TIAM2: variants seen among roughly 807,000 people sequenced by gnomAD.
TIAM2 encodes the protein TIAM Rac1 associated GEF 2, also known as rho guanine nucleotide exchange factor TIAM2.
In TIAM2, 80 loss-of-function variants were observed where a neutral mutation model predicts 152.9. That is an observed-to-expected ratio of 0.52 (90% CI 0.44 to 0.63). TIAM2 has a LOEUF of 0.63. TIAM2 is among the 30% of genes least tolerant of loss of function. The pLI is 0.00. For synonymous variants in TIAM2, 804 were observed against 838.0 expected (o/e 0.96, Z 0.70); for missense variants, 1,965 against 2,120.1 (o/e 0.93, Z 1.44).
At position 155,148,201 on chromosome 6, in the gene TIAM2, C is replaced by A. The variant is rs200977411; in HGVS notation, c.1895C>A (p.Thr632Lys). 1 of 1,613,362 alleles carries A rather than the reference C, an allele frequency of 6.2e-7. No individual in the cohort carries two copies. Among genetic ancestry groups the A allele is most frequent in the East Asian group, 2.2e-5 (1 of 44,876 alleles). The change falls in exon 7 of 27, where the codon ACG becomes AAG. Residue 632 changes from threonine (T) to lysine (K), a missense_variant. Thr to Lys is a moderately conservative substitution (Grantham distance 78). Around this residue, in one of 3 missense-constraint regions of TIAM2, gnomAD observed 1,025 missense variants for 1,119.4 expected, o/e 0.92. Transcript: ENST00000682666. ...LFAKKHGKED[T>K]LRLLKNQTKN... is the part of the protein sequence containing the mutation. ...GCAAAGAAGCATGGGAAAGAGGACA[C>A]GCTGCGGCTGCTGAAGAACCAGACC...
At chr6:155,112,705 A>G (rs75353940) in intron 2 of TIAM2, among the ~76,000 whole-genome samples, 3 of 151,996 alleles carry the variant, frequency 2.0e-5, no homozygotes, top group African/African-American at 7.3e-5. Context: ...TGAACTCCTC[A>G]TCTTGCCCGC....
At chr6:155,198,717 T>G (rs1462028365) in intron 14 of TIAM2, among the ~76,000 whole-genome samples, 1 of 148,226 alleles carries the variant, frequency 6.7e-6, no homozygotes, top group African/African-American at 2.5e-5. Context: ...AAGGCAACGT[T>G]CTTAAGAATG....
chr6:155,094,951 CCT>C (rs1778389484), intron 2 of TIAM2, among the ~76,000 whole-genome samples: 2 of 151,966 alleles, frequency 1.3e-5, no homozygotes, highest in African/African-American at 4.8e-5. Context: ...TTAAATTTTC[CCT>C]CTGTCTTCAG....
intron 1 of TIAM2, among the ~76,000 whole-genome samples, chr6:155,002,578 C>G (rs1778330731): frequency 6.6e-6 from 1 of 152,104 alleles, no homozygotes; most frequent in Non-Finnish European, 1.5e-5. Context: ...ATCTGAGTTG[C>G]TTCTTAGGTA....
chr6:155,088,708 AC>A (rs1235295170), intron 1 of TIAM2, among the ~76,000 whole-genome samples: 2 of 152,180 alleles, frequency 1.3e-5, no homozygotes, highest in African/African-American at 4.8e-5. Flanking sequence ...AGCTTGTCCA[AC>A]CCATGGCCTG....
intron 21 of TIAM2, chr6:155,250,606 G>A: frequency 6.5e-7 from 1 of 1,536,058 alleles, no homozygotes; most frequent in East Asian, 2.4e-5. Flanking sequence ...AAGGCACTCT[G>A]GAAGAACCAC....
intron 19 of TIAM2, 79 bp downstream of exon 19, chr6:155,245,810 C>T: frequency 1.1e-6 from 1 of 948,512 alleles, no homozygotes; most frequent in East Asian, 2.5e-5. Context: ...CTGTATTTAA[C>T]AAGTAGAGAG....
chr6:155,048,430 C>T (rs1199964436), intron 1 of TIAM2, among the ~76,000 whole-genome samples: 1 of 152,152 alleles, frequency 6.6e-6, no homozygotes, highest in African/African-American at 2.4e-5. Context: ...TGTTTTGCCA[C>T]TGTCCTTTGT....
intron 14 of TIAM2, among the ~76,000 whole-genome samples, chr6:155,190,821 C>G (rs1029853851): frequency 6.6e-5 from 10 of 150,720 alleles, no homozygotes; most frequent in Non-Finnish European, 1.2e-4. Context: ...AACTTTACAG[C>G]CTGTTACATA....
intron 14 of TIAM2, among the ~76,000 whole-genome samples, chr6:155,206,163 T>G (rs949888881): frequency 4.6e-5 from 7 of 152,198 alleles, no homozygotes; most frequent in African/African-American, 1.4e-4. Flanking sequence ...CAGTTGTCTG[T>G]AAGGAGCTAT....
chr6:155,153,775 C>A (rs1249344659), intron 7 of TIAM2, among the ~76,000 whole-genome samples: 1 of 152,076 alleles, frequency 6.6e-6, no homozygotes, highest in Admixed American at 6.5e-5. Context: ...GCACCCACCA[C>A]TACGCCCAGC....
chr6:155,143,161 G>A (rs1428950239), intron 5 of TIAM2, among the ~76,000 whole-genome samples: 1 of 152,152 alleles, frequency 6.6e-6, no homozygotes, highest in Non-Finnish European at 1.5e-5. Context: ...GTATGCTGGA[G>A]GTTGCCACAT....
intron 16 of TIAM2, among the ~76,000 whole-genome samples, chr6:155,241,653 C>T (rs1366504844): frequency 6.6e-6 from 1 of 152,174 alleles, no homozygotes; most frequent in African/African-American, 2.4e-5. Context: ...ACCTAAGGCC[C>T]TATTCACAGG....
intron 4 of TIAM2, among the ~76,000 whole-genome samples, chr6:155,135,618 C>G (rs2115046232): frequency 6.6e-6 from 1 of 152,262 alleles, no homozygotes; most frequent in Middle Eastern, 3.4e-3. Flanking sequence ...ACTTCTAATC[C>G]AGATATTAGA....
Position 155,129,805 on chromosome 6 carries a change from G to C in TIAM2, c.582G>C (p.Pro194=). The part of the protein sequence containing the change: ...SKVPAEDCSE[P]VQLLRYSPTL... ...TGCCTGCAGAGGACTGCAGTGAGCC[G>C]GTGCAGCTGCTGAGGTACTCACCTA... Residue 194 remains proline, a synonymous_variant, in exon 4 of 27, where the codon CCG becomes CCC. Coordinates refer to ENST00000682666, the MANE Select transcript of TIAM2 (RefSeq NM_012454.4). This position sits in a 1 kb window ranked among gnomAD's most constrained non-coding sequence, Gnocchi z 4.8. 6.2e-7 allele frequency: 1 copy of C among 1,613,646 alleles called. No homozygotes were observed. Among genetic ancestry groups the C allele is most frequent in the Non-Finnish European group, 8.5e-7 (1 of 1,180,020 alleles).
At chr6:155,069,188 A>G (rs771049705) in intron 1 of TIAM2, among the ~76,000 whole-genome samples, 1 of 152,066 alleles carries the variant, frequency 6.6e-6, no homozygotes, top group Non-Finnish European at 1.5e-5. Context: ...TCCGCCTCCC[A>G]GGTTCTAGTG....
chr6:155,025,339 G>T (rs915961404), intron 1 of TIAM2, among the ~76,000 whole-genome samples: 1 of 151,934 alleles, frequency 6.6e-6, no homozygotes, highest in Non-Finnish European at 1.5e-5. Context: ...GACTACAGGC[G>T]CCTGCCACCA....
At chr6:155,152,286 G>A (rs1247175593) in intron 7 of TIAM2, among the ~76,000 whole-genome samples, 1 of 152,234 alleles carries the variant, frequency 6.6e-6, no homozygotes, top group Non-Finnish European at 1.5e-5. Context: ...GGAGGTGGAA[G>A]GCTTTGGGAT....
chr6:155,071,799 G>A (rs546306007), intron 1 of TIAM2, among the ~76,000 whole-genome samples: 1 of 151,880 alleles, frequency 6.6e-6, no homozygotes, highest in African/African-American at 2.4e-5. Flanking sequence ...GGGAGGCTGA[G>A]GCAGGAGAAT....
Sources: allele counts gnomAD v4.1 joint callset (sites outside exome capture counted in the v4.1 genomes callset), GRCh38; gene constraint gnomAD v4.1.1; regional missense constraint gnomAD v4.1.1; non-coding constraint Gnocchi (gnomAD v3.1); transcripts MANE v1.5; gene names NCBI Gene and HGNC (gene_info 2026-07-23, HGNC 2026-07-21).